Variants in FBXO4 observed in about 807,000 individuals in gnomAD.
The protein encoded by FBXO4 is F-box only protein 4.
Under a neutral mutation model 43.7 loss-of-function variants are expected in FBXO4, and 36 were observed. The observed-to-expected ratio is 0.82, with a 90% CI of 0.63 to 1.09. The LOEUF is 1.09. FBXO4 is among the 50% of genes least tolerant of loss of function. The pLI, the probability that FBXO4 is intolerant of heterozygous loss-of-function variation, is 0.00. For synonymous variants in FBXO4, 180 were observed against 165.6 expected (o/e 1.09, Z -0.67); for missense variants, 435 against 474.1 (o/e 0.92, Z 0.77).
At chr5:41,959,035 T>C in the FBXO4 span, among the ~76,000 whole-genome samples, 5 of 152,344 alleles carry the variant, frequency 3.3e-5, no homozygotes, top group East Asian at 9.6e-4. Context: ...AAAGTTCTTT[T>C]CTCTGCATCC....
At chr5:41,993,932 TC>T in the FBXO4 span, among the ~76,000 whole-genome samples, 1 of 152,064 alleles carries the variant, frequency 6.6e-6, no homozygotes, top group African/African-American at 2.4e-5. Context: ...GGGTCTGACT[TC>T]CCCAGCCCAT....
At chr5:41,965,759 C>T in the FBXO4 span, among the ~76,000 whole-genome samples, 4 of 152,120 alleles carry the variant, frequency 2.6e-5, no homozygotes, top group Admixed American at 1.3e-4. Context: ...GTCAGTGTGG[C>T]GATTCCTCAG....
At chr5:41,990,572 G>A in the FBXO4 span, among the ~76,000 whole-genome samples, 2 of 152,150 alleles carry the variant, frequency 1.3e-5, no homozygotes, top group Admixed American at 1.3e-4. Context: ...CTTTCTCAAT[G>A]TCTGACTAAT....
chr5:42,028,321 T>C, the FBXO4 span, among the ~76,000 whole-genome samples: 1 of 152,150 alleles, frequency 6.6e-6, no homozygotes, highest in East Asian at 1.9e-4. Flanking sequence ...ATCTGTTTTG[T>C]CTGAAAGAAG....
chr5:41,962,284 A>AT, the FBXO4 span, among the ~76,000 whole-genome samples: 1 of 152,188 alleles, frequency 6.6e-6, no homozygotes, highest in Non-Finnish European at 1.5e-5. Context: ...ATTTGTTTCC[A>AT]TTTTTTTGTT....
At chr5:41,979,556 C>G in the FBXO4 span, among the ~76,000 whole-genome samples, 1 of 152,198 alleles carries the variant, frequency 6.6e-6, no homozygotes, top group Non-Finnish European at 1.5e-5. Flanking sequence ...GGTTTAACCA[C>G]TCCCAACATG....
chr5:41,941,551 T>C lies in FBXO4; in HGVS notation c.*270T>C, dbSNP rs1752006090. On this transcript the variant is annotated 3_prime_UTR_variant, in exon 7 of 7. Transcript: ENST00000281623. ...TATATTTTCTGTCTTTTTAAAAATA[T>C]TAAATTCTGGAAAAAACAAGTTTGT... The C allele has an allele frequency of 4.6e-6, 1 of 215,440 alleles. No homozygotes were observed. Among genetic ancestry groups the C allele is most frequent in the African/African-American group, 2.3e-5 (1 of 43,942 alleles). The allele number at this position is 215,440 out of a possible 1,614,324, so 13.3% of individuals were successfully genotyped here.
At chr5:42,034,995 G>GA in the FBXO4 span, among the ~76,000 whole-genome samples, 3 of 151,504 alleles carry the variant, frequency 2.0e-5, no homozygotes, top group African/African-American at 7.3e-5. Flanking sequence ...AAGATGGTAT[G>GA]TTTTTCCATT....
the FBXO4 span, among the ~76,000 whole-genome samples, chr5:41,995,381 G>A: frequency 3.9e-5 from 6 of 152,230 alleles, no homozygotes; most frequent in African/African-American, 1.2e-4. Flanking sequence ...GCTGCCACTA[G>A]GTAGTTGGCT....
chr5:41,961,920 GC>G, the FBXO4 span, among the ~76,000 whole-genome samples: 428 of 152,322 alleles, frequency 2.8e-3, 1 homozygote, highest in African/African-American at 8.9e-3. Context: ...GATAGCAACA[GC>G]CTTTGTCTTT....
At chr5:41,926,692 C>G (rs1013879360) in intron 1 of FBXO4, among the ~76,000 whole-genome samples, 1 of 152,186 alleles carries the variant, frequency 6.6e-6, no homozygotes, top group Non-Finnish European at 1.5e-5. Context: ...ATGTAACTAA[C>G]TGGTATATCC....
chr5:41,982,901 A>AT, the FBXO4 span, among the ~76,000 whole-genome samples: 2 of 151,762 alleles, frequency 1.3e-5, no homozygotes, highest in Non-Finnish European at 2.9e-5. Flanking sequence ...CTGGTGTGTG[A>AT]TGTTCCCCTC....
At chr5:41,940,071 G>A (rs1039731318) in intron 6 of FBXO4, among the ~76,000 whole-genome samples, 8 of 151,406 alleles carry the variant, frequency 5.3e-5, no homozygotes, top group Non-Finnish European at 1.2e-4. Context: ...GGCTGATCTC[G>A]AACTCCTAGG....
chr5:41,960,014 T>G, the FBXO4 span, among the ~76,000 whole-genome samples: 1 of 152,056 alleles, frequency 6.6e-6, no homozygotes, highest in African/African-American at 2.4e-5. Context: ...TTTTATTTAT[T>G]TGTGCATTGT....
chr5:41,992,234 A>AAACT, the FBXO4 span, among the ~76,000 whole-genome samples: 2 of 152,192 alleles, frequency 1.3e-5, no homozygotes, highest in African/African-American at 4.8e-5. Flanking sequence ...TGGTTTATTA[A>AAACT]AACTAATAAT....
At chr5:41,964,539 G>A in the FBXO4 span, among the ~76,000 whole-genome samples, 37 of 150,086 alleles carry the variant, frequency 2.5e-4, no homozygotes, top group African/African-American at 6.8e-4. Context: ...ATTCTTTGGT[G>A]GAAAAGTAAC....
chr5:41,971,216 GTGTGTGTGTGTGTGTGTA>G, the FBXO4 span, among the ~76,000 whole-genome samples: 2 of 149,638 alleles, frequency 1.3e-5, no homozygotes, highest in African/African-American at 5.0e-5. Context: ...GTGTGTGTGT[GTGTGTGTGTGTGTGTGTA>G]TGTGTGTGTG....
chr5:41,999,512 T>TAC, the FBXO4 span, among the ~76,000 whole-genome samples: 953 of 109,374 alleles, frequency 8.7e-3, 26 homozygotes, highest in African/African-American at 0.039. Flanking sequence ...TATGTGTATA[T>TAC]ATATATATAT....
chr5:42,033,379 G>GT, the FBXO4 span, among the ~76,000 whole-genome samples: 1 of 151,674 alleles, frequency 6.6e-6, no homozygotes, highest in African/African-American at 2.4e-5. Flanking sequence ...CAGTGGTGAT[G>GT]TTTTTTTAAA....
Sources: gnomAD v4.1 joint callset for allele counts (sites outside exome capture counted in the v4.1 genomes callset) on GRCh38, gnomAD v4.1.1 for gene constraint, MANE v1.5 for transcripts, NCBI Gene and HGNC (gene_info 2026-07-23, HGNC 2026-07-21) for gene names.